The following CAST variants were observed in gnomAD, a reference collection of about 807,000 sequenced individuals.
The protein encoded by CAST is MIR583 host.
Under a neutral mutation model 119.6 loss-of-function variants are expected in CAST, and 76 were observed. That is an observed-to-expected ratio of 0.64 (90% confidence interval 0.53 to 0.77). The LOEUF is 0.77. CAST is among the 30% of genes least tolerant of loss of function. The pLI is 0.00. For synonymous variants in CAST, 319 were observed against 331.6 expected, an observed-to-expected ratio of 0.96 and a Z score of 0.41; for missense variants, 953 against 946.5, an observed-to-expected ratio of 1.01 and a Z score of -0.09.
At chr5:96,222,880 T>A in the CAST span, among the ~76,000 whole-genome samples, 7,412 of 152,100 alleles carry the variant, frequency 0.049, 623 homozygotes, top group African/African-American at 0.17. Flanking sequence ...ATCAGTGGAC[T>A]AATAAAGAGT....
At chr5:96,660,948 T>C (rs955036174), upstream of CAST, among the ~76,000 whole-genome samples, 3 of 151,726 alleles carry the variant, frequency 2.0e-5, no homozygotes, top group African/African-American at 4.9e-5. Flanking sequence ...TACGACACTT[T>C]AAGAGGAAAT....
the CAST span, among the ~76,000 whole-genome samples, chr5:96,380,609 A>G: frequency 2.0e-5 from 3 of 152,220 alleles, no homozygotes; most frequent in Non-Finnish European, 2.9e-5. Flanking sequence ...ACTTCAAGGA[A>G]AACAACTGAT....
At chr5:96,491,517 A>AAAAAAAAATT in the CAST span, among the ~76,000 whole-genome samples, 1 of 142,854 alleles carries the variant, frequency 7.0e-6, no homozygotes, top group Non-Finnish European at 1.5e-5. Flanking sequence ...AAAAAAAAAA[A>AAAAAAAAATT]AAAAAAAATT....
the CAST span, among the ~76,000 whole-genome samples, chr5:96,166,968 G>A: frequency 2.6e-5 from 4 of 152,150 alleles, no homozygotes; most frequent in African/African-American, 9.7e-5. Flanking sequence ...CCTAGAGTGG[G>A]AGAGATTAAG....
At chr5:96,264,491 TG>T in the CAST span, among the ~76,000 whole-genome samples, 49,166 of 152,038 alleles carry the variant, frequency 0.32, 8,248 homozygotes, top group Admixed American at 0.42. Context: ...AGTCAGGGTC[TG>T]AGTTTGTGGG....
At chr5:96,506,434 G>A in the CAST span, among the ~76,000 whole-genome samples, 2 of 152,150 alleles carry the variant, frequency 1.3e-5, no homozygotes, top group Admixed American at 1.3e-4. Flanking sequence ...ATTAGCAAGA[G>A]GAAGTTGGAG....
At chr5:96,314,407 T>C in the CAST span, among the ~76,000 whole-genome samples, 3 of 152,300 alleles carry the variant, frequency 2.0e-5, no homozygotes, top group South Asian at 6.2e-4. Context: ...TGCTAAATGT[T>C]GGGATGAATT....
the CAST span, among the ~76,000 whole-genome samples, chr5:96,148,746 C>G: frequency 6.6e-6 from 1 of 152,216 alleles, no homozygotes; most frequent in Non-Finnish European, 1.5e-5. Context: ...ACTATTAAAT[C>G]AAGTTATCTG....
the CAST span, among the ~76,000 whole-genome samples, chr5:96,123,920 C>G: frequency 6.6e-6 from 1 of 151,982 alleles, no homozygotes; most frequent in African/African-American, 2.4e-5. Flanking sequence ...TATGGTCTTT[C>G]TCATTCTCTT....
the CAST span, among the ~76,000 whole-genome samples, chr5:96,091,042 A>G: frequency 6.6e-6 from 1 of 151,938 alleles, no homozygotes; most frequent in Non-Finnish European, 1.5e-5. Context: ...GGGAAGGTAC[A>G]TTACAGTAGA....
At chr5:96,305,135 G>T in the CAST span, among the ~76,000 whole-genome samples, 2,051 of 152,228 alleles carry the variant, frequency 0.013, 35 homozygotes, top group South Asian at 0.082. Flanking sequence ...TTGAGTAGTG[G>T]TTTGTAGTTC....
At chr5:96,051,013 G>T in the CAST span, among the ~76,000 whole-genome samples, 107 of 152,224 alleles carry the variant, frequency 7.0e-4, 1 homozygote, top group African/African-American at 2.0e-3. Context: ...TATTTACACA[G>T]GTATTACAAA....
At chr5:95,961,568 C>G in the CAST span, 1 of 1,579,690 alleles carries the variant, frequency 6.3e-7, no homozygotes. Flanking sequence ...CCGGCCGGCC[C>G]GCTCACCTTG....
chr5:96,530,548 C>T (rs1745672333), intron 1 of CAST, among the ~76,000 whole-genome samples: 2 of 152,076 alleles, frequency 1.3e-5, no homozygotes, highest in Non-Finnish European at 2.9e-5. Context: ...TCCATAAACA[C>T]TTTAAAACAA....
At chr5:96,164,350 A>G in the CAST span, among the ~76,000 whole-genome samples, 2 of 152,256 alleles carry the variant, frequency 1.3e-5, no homozygotes, top group African/African-American at 2.4e-5. Flanking sequence ...GTCAACTGAA[A>G]TCAAAGGGAC....
the CAST span, among the ~76,000 whole-genome samples, chr5:96,366,284 G>T: frequency 6.6e-6 from 1 of 151,936 alleles, no homozygotes; most frequent in Non-Finnish European, 1.5e-5. Context: ...TTCAACTTTG[G>T]CAAATCTGAC....
At chr5:96,477,387 T>C in the CAST span, among the ~76,000 whole-genome samples, 1 of 152,206 alleles carries the variant, frequency 6.6e-6, no homozygotes, top group East Asian at 1.9e-4. Context: ...TTTCTTTTAT[T>C]TTCCTAACTG....
At chr5:96,699,691 C>T (rs993461839) in intron 3 of CAST, among the ~76,000 whole-genome samples, 5 of 152,178 alleles carry the variant, frequency 3.3e-5, no homozygotes, top group Non-Finnish European at 7.3e-5. Context: ...ATGCCTTCAC[C>T]CTGCTCCAAG....
intron 3 of CAST, among the ~76,000 whole-genome samples, chr5:96,717,288 G>C (rs1017807716): frequency 6.6e-6 from 1 of 152,210 alleles, no homozygotes; most frequent in African/African-American, 2.4e-5. Flanking sequence ...GAGTTGAGAA[G>C]ATAATAAGAG....
Sources: gnomAD v4.1 joint callset for allele counts (sites outside exome capture counted in the v4.1 genomes callset) on GRCh38, gnomAD v4.1.1 for gene constraint, MANE v1.5 for transcripts, NCBI Gene and HGNC (gene_info 2026-07-23, HGNC 2026-07-21) for gene names.